Variants in TTC34 observed in about 807,000 individuals in gnomAD.
TTC34 encodes the protein tetratricopeptide repeat domain 34.
A neutral mutation model predicts 40.7 loss-of-function variants in TTC34; 44 were observed. The observed-to-expected ratio is 1.08, with a 90% confidence interval of 0.85 to 1.39. TTC34 has a LOEUF of 1.39. Among genes scored for constraint, TTC34 ranks in the 40% most tolerant of loss-of-function variants. TTC34 has a pLI of 0.00. For missense variants in TTC34, 884 were observed against 838.0 expected (o/e 1.05, Z -0.68); for synonymous variants, 422 against 398.6 (o/e 1.06, Z -0.70).
intron 6 of TTC34, among the ~76,000 whole-genome samples, chr1:2,782,744 A>G (rs1236244083): frequency 2.0e-5 from 3 of 152,034 alleles, no homozygotes; most frequent in Admixed American, 2.0e-4. Flanking sequence ...TCTGTGATCC[A>G]TTGGTTGTTT....
chr1:2,756,623 A>G (rs1641514365), intron 6 of TTC34, among the ~76,000 whole-genome samples: 39 of 150,594 alleles, frequency 2.6e-4, no homozygotes, highest in African/African-American at 6.9e-4. Context: ...AACAGCACCC[A>G]CACCCCCAGG....
intron 6 of TTC34, among the ~76,000 whole-genome samples, chr1:2,677,816 A>T (rs1184509001): frequency 2.5e-5 from 1 of 40,788 alleles, no homozygotes; most frequent in African/African-American, 1.3e-4. Context: ...CCTCACACCC[A>T]GTTGCGCATC....
chr1:2,685,808 A>G (rs1640310289), intron 6 of TTC34, among the ~76,000 whole-genome samples: 1 of 111,316 alleles, frequency 9.0e-6, no homozygotes, highest in African/African-American at 3.9e-5. Context: ...CCCCCAGGTG[A>G]GCATCTGACA....
chr1:2,771,501 A>G (rs1642132520), intron 6 of TTC34, among the ~76,000 whole-genome samples: 6 of 78,946 alleles, frequency 7.6e-5, no homozygotes, highest in African/African-American at 8.8e-5. Context: ...CGAGCATCTG[A>G]CAGCCTGGAG....
intron 6 of TTC34, among the ~76,000 whole-genome samples, chr1:2,767,847 C>G (rs1422633871): frequency 6.7e-6 from 1 of 148,782 alleles, no homozygotes. Context: ...GCACCCACAC[C>G]CCCAGGTGTG....
chr1:2,700,077 G>A (rs546130664), intron 6 of TTC34, among the ~76,000 whole-genome samples: 2 of 122,024 alleles, frequency 1.6e-5, no homozygotes, highest in African/African-American at 2.7e-5. Flanking sequence ...ATGACCACCT[G>A]GAGCAGCACC....
chr1:2,749,516 ACCC>A (rs1641248600), intron 6 of TTC34, among the ~76,000 whole-genome samples: 1 of 59,684 alleles, frequency 1.7e-5, no homozygotes, highest in Admixed American at 1.7e-4. Flanking sequence ...CTGGAGCAGC[ACCC>A]AGATTCCCAG....
exon 9 of TTC34, chr1:2,637,601 C>T (rs1160395161): frequency 1.3e-5 from 2 of 152,200 alleles, no homozygotes; most frequent in Non-Finnish European, 2.9e-5. Context: ...AATTGAGGGC[C>T]TCGGGAACCC....
intron 6 of TTC34, among the ~76,000 whole-genome samples, chr1:2,684,230 G>GGTGAGCATCTGACGGCCTGGAACAGCACA (rs1640213983): frequency 9.4e-6 from 1 of 106,566 alleles, no homozygotes; most frequent in African/African-American, 4.7e-5. Flanking sequence ...GGAACAGCAC[G>GGTGAGCATCTGACGGCCTGGAACAGCACA]CACAGCCCCA....
At chr1:2,691,866 A>C (rs1233828252) in intron 6 of TTC34, among the ~76,000 whole-genome samples, 1 of 48,756 alleles carries the variant, frequency 2.1e-5, no homozygotes, top group South Asian at 1.1e-3. Flanking sequence ...CCCCACACCC[A>C]GAGGTGAGCA....
Position 2,767,838 on chromosome 1 carries a change from C to T in TTC34, c.2226+15771G>A, listed in dbSNP as rs1553163096. On this transcript the variant is annotated intron_variant, in intron 6 of 8. Coordinates refer to ENST00000401095, the Ensembl canonical transcript of TTC34. ...GTGAGCATCTGACAGCCTGGAGCAG[C>T]ACCCACACCCCCAGGTGTGCATCTG... is the stretch of plus-strand genomic sequence containing the variant. Among the ~76,000 whole-genome samples the T allele has an allele frequency of 2.5e-4, 37 of 150,306 alleles. 2 individuals carry two copies. Among genetic ancestry groups the T allele is most frequent in the South Asian group, 4.3e-4 (2 of 4,654 alleles).
At chr1:2,686,751 C>CA (rs1640372717) in intron 6 of TTC34, among the ~76,000 whole-genome samples, 1 of 138,424 alleles carries the variant, frequency 7.2e-6, no homozygotes, top group Non-Finnish European at 1.5e-5. Flanking sequence ...CAGCCTGGAA[C>CA]GGCACCCACA....
rs1416888724 is a variant in TTC34 at position 2,751,396 on chromosome 1, A to G, written c.2226+32213T>C. On this transcript the variant is annotated intron_variant, in intron 6 of 8. Coordinates refer to ENST00000401095, the Ensembl canonical transcript of TTC34. ...AGGTGCGCATCTGATGGTCTGGAGC[A>G]GCACCCACACACACAGGTGGGCATC... Among the ~76,000 whole-genome samples, 7 of 148,376 alleles carry G rather than the reference A, an allele frequency of 4.7e-5. 1 individual carries two copies. The highest frequency in any genetic ancestry group is 1.8e-4 in the African/African-American group (7 of 39,524).
intron 6 of TTC34, among the ~76,000 whole-genome samples, chr1:2,683,464 C>A (rs186250248): frequency 0.01 from 714 of 68,756 alleles, 1 homozygote; most frequent in Middle Eastern, 0.023. Flanking sequence ...CCTGGAGCAG[C>A]ACCCACACCA....
At chr1:2,759,995 C>G (rs1641642824) in intron 6 of TTC34, among the ~76,000 whole-genome samples, 4 of 140,414 alleles carry the variant, frequency 2.8e-5, no homozygotes, top group Non-Finnish European at 6.1e-5. Flanking sequence ...TGGAGAAGCA[C>G]CCACAACCAC....
chr1:2,784,098 G>A (rs567808649), intron 5 of TTC34, among the ~76,000 whole-genome samples: 5 of 152,186 alleles, frequency 3.3e-5, no homozygotes, highest in South Asian at 2.1e-4. Flanking sequence ...TAGTGGCCCC[G>A]AACGGCTGAG....
At chr1:2,777,620 C>T (rs1032320137) in intron 6 of TTC34, among the ~76,000 whole-genome samples, 3 of 149,948 alleles carry the variant, frequency 2.0e-5, no homozygotes, top group Non-Finnish European at 2.9e-5. Context: ...TGAGCCCCAG[C>T]GCTGAGTCAG....
intron 6 of TTC34, among the ~76,000 whole-genome samples, chr1:2,747,998 A>AT (rs1641207194): frequency 2.1e-5 from 1 of 46,642 alleles, no homozygotes; most frequent in Admixed American, 2.1e-4. Flanking sequence ...CAGCACCCAC[A>AT]CCCCAGGTGA....
In TTC34 at chr1:2,644,782, G is replaced by T. The variant is rs1638985816; in HGVS notation, c.2498-304C>A. Among the ~76,000 whole-genome samples, 3 of 152,210 alleles carry T rather than the reference G, an allele frequency of 2.0e-5. No individual in the cohort carries two copies. In the South Asian group the frequency reaches 6.2e-4, roughly 32 times the overall value. ...CTGCTGGCGCAGAGTGGCATGTGGG[G>T]AGCAGCCCTGGGGCCCCTGAAGCCC... On this transcript the variant is annotated intron_variant, in intron 7 of 8. Transcript: ENST00000401095.
Sources: gnomAD v4.1 joint callset for allele counts (sites outside exome capture counted in the v4.1 genomes callset) on GRCh38, gnomAD v4.1.1 for gene constraint, MANE v1.5 for transcripts, NCBI Gene and HGNC (gene_info 2026-07-23, HGNC 2026-07-21) for gene names.